The following COL15A1 variants were observed in gnomAD, a reference collection of about 807,000 sequenced individuals.
The protein encoded by COL15A1 is collagen alpha-1(XV) chain.
COL15A1 carries 111 observed loss-of-function variants against 165.9 expected under a neutral mutation model. The ratio of observed to expected loss-of-function variants is 0.67; its 90% CI spans 0.57 to 0.78. COL15A1 has a LOEUF of 0.78. Ranked by LOEUF, COL15A1 falls within the 30% of genes least tolerant of loss-of-function variation. COL15A1 has a pLI of 0.00. For missense variants in COL15A1, 1,745 were observed against 1,789.7 expected, an observed-to-expected ratio of 0.98 and a Z score of 0.45; for synonymous variants, 659 against 674.8, an observed-to-expected ratio of 0.98 and a Z score of 0.36.
At chr9:99,051,631 G>A (rs1839589644) in intron 30 of COL15A1, among the ~76,000 whole-genome samples, 1 of 152,104 alleles carries the variant, frequency 6.6e-6, no homozygotes. Flanking sequence ...GTTTTTCCTG[G>A]TAGATTTCCT....
At chr9:99,010,929 C>T (rs1477965042) in intron 9 of COL15A1, among the ~76,000 whole-genome samples, 1 of 152,118 alleles carries the variant, frequency 6.6e-6, no homozygotes, top group Non-Finnish European at 1.5e-5. Context: ...CTGCTGTTCT[C>T]TATGGGGAAT....
Position 99,015,991 on chromosome 9 carries a change from G to A in COL15A1, c.1519G>A (p.Glu507Lys). 6.2e-7 allele frequency: 1 copy of A among 1,613,754 alleles called. No homozygotes were observed. Among genetic ancestry groups the A allele is most frequent in the Non-Finnish European group, 8.5e-7 (1 of 1,179,848 alleles). The change falls in exon 11 of 42, where the codon GAA (glutamate) becomes AAA (lysine). Residue 507 changes from glutamate to lysine, a missense_variant. By Grantham distance (56) the Glu-to-Lys change is moderately conservative. Coordinates refer to ENST00000375001, the MANE Select transcript of COL15A1 (RefSeq NM_001855.5). ...TTGTTTTCAGGGTCCTGGTGATGAA[G>A]AAGACTTGGCAGCAGCCACAACAGA... Reference protein sequence around the residue: ...RAVTSGPGDEEDLAAATTEEP... With the variant: ...RAVTSGPGDEKDLAAATTEEP...
chr9:99,030,057 A>G (rs755795872), intron 16 of COL15A1, among the ~76,000 whole-genome samples: 2 of 152,228 alleles, frequency 1.3e-5, no homozygotes, highest in Non-Finnish European at 2.9e-5. Flanking sequence ...CTCAGAAGCC[A>G]CACAAGCAAA....
Position 99,070,523 on chromosome 9 carries a change from G to T in COL15A1, c.*637G>T. On this transcript the variant is annotated 3_prime_UTR_variant, in exon 42 of 42. Coordinates refer to ENST00000375001, the MANE Select transcript of COL15A1 (RefSeq NM_001855.5). ...GTGTCTGTTTATGTAACTCTGACTTGCTGGAAAAGTTGAAACTCCAAATAA... is the reference window on the plus strand; with the variant it reads ...GTGTCTGTTTATGTAACTCTGACTTTCTGGAAAAGTTGAAACTCCAAATAA... 3.1e-6 allele frequency: 1 copy of T among 319,990 alleles called. No homozygotes were observed. Among genetic ancestry groups the T allele is most frequent in the South Asian group, 2.3e-5 (1 of 42,896 alleles). The allele number at this position is 319,990 out of a possible 1,614,324, so 19.8% of individuals were successfully genotyped here. A position where few individuals can be genotyped will look rare whatever the true frequency, so the allele number is the denominator to read the frequency against.
chr9:99,041,563 G>C (rs537402410), intron 23 of COL15A1, among the ~76,000 whole-genome samples: 1 of 152,302 alleles, frequency 6.6e-6, no homozygotes, highest in Admixed American at 6.5e-5. Context: ...AGAGGCTGCG[G>C]GAAGGGAGTC....
At chr9:99,005,991 C>T (rs1838756358) in intron 9 of COL15A1, among the ~76,000 whole-genome samples, 1 of 152,218 alleles carries the variant, frequency 6.6e-6, no homozygotes, top group African/African-American at 2.4e-5. Context: ...TGCCTCTCAG[C>T]AGCACTTCAG....
intron 31 of COL15A1, among the ~76,000 whole-genome samples, chr9:99,053,974 A>C (rs1825668200): frequency 6.6e-6 from 1 of 152,180 alleles, no homozygotes; most frequent in African/African-American, 2.4e-5. Context: ...GCTTTCCTCC[A>C]TGCCCCCTCC....
At chr9:98,960,319 G>A (rs1365452338) in intron 2 of COL15A1, among the ~76,000 whole-genome samples, 2 of 152,106 alleles carry the variant, frequency 1.3e-5, no homozygotes, top group African/African-American at 4.8e-5. Flanking sequence ...AGGATCGCTT[G>A]AGCCCAAGAG....
At chr9:99,035,457 C>G (rs1278663777) in intron 19 of COL15A1, 39 bp downstream of exon 19, 5 of 1,612,348 alleles carry the variant, frequency 3.1e-6, no homozygotes, top group African/African-American at 1.3e-5. Flanking sequence ...AGGGTTGTCA[C>G]ACTGTCACAC....
chr9:98,988,115 C>T (rs1280798078), intron 4 of COL15A1, among the ~76,000 whole-genome samples: 1 of 152,186 alleles, frequency 6.6e-6, no homozygotes, highest in East Asian at 1.9e-4. Context: ...GAAGGTAGCG[C>T]ATTCCTGCAA....
At chr9:98,956,889 G>T (rs1055964571) in intron 2 of COL15A1, among the ~76,000 whole-genome samples, 1 of 152,210 alleles carries the variant, frequency 6.6e-6, no homozygotes, top group African/African-American at 2.4e-5. Context: ...GGTGATTCGT[G>T]TGCACTTTTA....
chr9:98,992,611 G>A (rs764611900), intron 5 of COL15A1, among the ~76,000 whole-genome samples: 6 of 152,278 alleles, frequency 3.9e-5, no homozygotes, highest in African/African-American at 9.6e-5. Context: ...CGCCAAGGCC[G>A]AGGAGGCACT....
intron 4 of COL15A1, among the ~76,000 whole-genome samples, chr9:98,988,363 C>G (rs1371586699): frequency 1.3e-5 from 2 of 152,116 alleles, no homozygotes; most frequent in East Asian, 3.9e-4. Flanking sequence ...AAAGTAGAAA[C>G]AACCCAAGGG....
intron 2 of COL15A1, among the ~76,000 whole-genome samples, chr9:98,968,198 T>C (rs1837987957): frequency 6.6e-6 from 1 of 152,258 alleles, no homozygotes; most frequent in Non-Finnish European, 1.5e-5. Flanking sequence ...GAGTATTGGA[T>C]GACCCAGTCC....
At chr9:99,011,797 C>T (rs1202458129) in intron 9 of COL15A1, among the ~76,000 whole-genome samples, 1 of 151,882 alleles carries the variant, frequency 6.6e-6, no homozygotes, top group Non-Finnish European at 1.5e-5. Flanking sequence ...TAATACTGTA[C>T]CTAGATTACT....
At chr9:99,054,166 C>A (rs2095904472) in intron 31 of COL15A1, among the ~76,000 whole-genome samples, 2 of 152,194 alleles carry the variant, frequency 1.3e-5, no homozygotes, top group Admixed American at 1.3e-4. Flanking sequence ...CTCCTGTTCC[C>A]TTACAACCCC....
At chr9:99,058,875 A>G (rs1825768155) in intron 35 of COL15A1, among the ~76,000 whole-genome samples, 3 of 152,126 alleles carry the variant, frequency 2.0e-5, no homozygotes, top group Admixed American at 1.3e-4. Context: ...GGAACTGAAC[A>G]TTTGCTTGCA....
At chr9:99,028,151 G>A (rs912782869) in intron 16 of COL15A1, among the ~76,000 whole-genome samples, 1 of 152,148 alleles carries the variant, frequency 6.6e-6, no homozygotes, top group Non-Finnish European at 1.5e-5. Context: ...TTTCTCTTTA[G>A]CACAGCACAT....
At chr9:98,956,302 T>C (rs981996714) in intron 2 of COL15A1, among the ~76,000 whole-genome samples, 1 of 151,980 alleles carries the variant, frequency 6.6e-6, no homozygotes, top group Non-Finnish European at 1.5e-5. Context: ...AAAGTCCCCA[T>C]CTCAAAAACA....
Sources: gnomAD v4.1 joint callset for allele counts (sites outside exome capture counted in the v4.1 genomes callset) on GRCh38, gnomAD v4.1.1 for gene constraint, MANE v1.5 for transcripts, NCBI Gene and HGNC (gene_info 2026-07-23, HGNC 2026-07-21) for gene names.